Variants in CTNNBL1 observed in about 807,000 individuals in gnomAD.
CTNNBL1 encodes the protein catenin beta like 1.
In CTNNBL1, 31 loss-of-function variants were observed where a neutral mutation model predicts 72.7. The observed-to-expected ratio is 0.43, with a 90% CI of 0.32 to 0.58. The LOEUF (loss-of-function observed/expected upper bound fraction) is 0.58. CTNNBL1 is among the 20% of genes least tolerant of loss of function. The pLI is 0.08. For missense variants in CTNNBL1, 534 were observed against 725.1 expected (o/e 0.74, Z 3.03); for synonymous variants, 240 against 267.3 (o/e 0.90, Z 1.00).
chr20:37,711,645 T>G lies in CTNNBL1; in HGVS notation c.30+17493T>G, dbSNP rs6125954. Among the ~76,000 whole-genome samples, 420 of 150,806 alleles carry G rather than the reference T, an allele frequency of 2.8e-3. 3 individuals are homozygous for G. Among genetic ancestry groups the G allele is most frequent in the East Asian group, 0.017 (87 of 5,128 alleles). On this transcript the variant is annotated intron_variant, in intron 1 of 15. Coordinates refer to ENST00000361383, the MANE Select transcript of CTNNBL1 (RefSeq NM_030877.5). ...AGGAAAAAAATAGGCTGATGTAATA[T>G]AGTGTTGGGGGAGCAGTGGCTGTTT...
intron 1 of CTNNBL1, among the ~76,000 whole-genome samples, chr20:37,712,988 G>A (rs968488209): frequency 1.1e-4 from 17 of 152,278 alleles, no homozygotes; most frequent in African/African-American, 4.1e-4. Context: ...TAAGATTTTA[G>A]AGTTTCAAAG....
chr20:37,744,095 T>C (rs1177119037), intron 3 of CTNNBL1, among the ~76,000 whole-genome samples: 2 of 152,152 alleles, frequency 1.3e-5, no homozygotes, highest in Admixed American at 1.3e-4. Flanking sequence ...TATACGGTGT[T>C]TATAAATCTA....
chr20:37,788,394 G>A (rs2073696682), intron 10 of CTNNBL1, among the ~76,000 whole-genome samples: 1 of 152,192 alleles, frequency 6.6e-6, no homozygotes. Context: ...TTGGCCCACG[G>A]AATTTTTGGC....
chr20:37,717,356 G>A (rs2072995161), intron 1 of CTNNBL1, among the ~76,000 whole-genome samples: 1 of 152,210 alleles, frequency 6.6e-6, no homozygotes, highest in Non-Finnish European at 1.5e-5. Flanking sequence ...ACCATTGTGT[G>A]AGTTCGCTGG....
chr20:37,801,712 T>C (rs537979599), intron 10 of CTNNBL1, among the ~76,000 whole-genome samples: 1 of 152,306 alleles, frequency 6.6e-6, no homozygotes, highest in African/African-American at 2.4e-5. Context: ...TCTTCAACCA[T>C]TGATAAAGAG....
chr20:37,833,415 A>G (rs2072228042), intron 11 of CTNNBL1, among the ~76,000 whole-genome samples: 1 of 152,158 alleles, frequency 6.6e-6, no homozygotes, highest in African/African-American at 2.4e-5. Flanking sequence ...CTGACTGTTG[A>G]GCAGGGAGCC....
chr20:37,858,523 G>C (rs2072462565), intron 13 of CTNNBL1, among the ~76,000 whole-genome samples: 1 of 152,246 alleles, frequency 6.6e-6, no homozygotes, highest in South Asian at 2.1e-4. Flanking sequence ...AATCCCAAGG[G>C]GGGAAGGCAG....
intron 7 of CTNNBL1, among the ~76,000 whole-genome samples, chr20:37,770,361 A>C (rs2073510928): frequency 6.6e-6 from 1 of 152,204 alleles, no homozygotes; most frequent in Admixed American, 6.5e-5. Flanking sequence ...ACCGAGTTTT[A>C]AGGGGATGGC....
At chr20:37,710,928 G>A (rs539025319) in intron 1 of CTNNBL1, among the ~76,000 whole-genome samples, 5 of 151,942 alleles carry the variant, frequency 3.3e-5, no homozygotes, top group East Asian at 1.9e-4. Flanking sequence ...CTCTGCTTTC[G>A]TCTCCTCTCC....
At chr20:37,708,778 G>A (rs2072911889) in intron 1 of CTNNBL1, among the ~76,000 whole-genome samples, 1 of 152,124 alleles carries the variant, frequency 6.6e-6, no homozygotes, top group Non-Finnish European at 1.5e-5. Context: ...AGCAGATTAT[G>A]TGCACTGGCT....
rs1032673003 is a variant in CTNNBL1 at position 37,804,917 on chromosome 20, C to T, written c.1213+1869C>T. 2.6e-5 allele frequency among the ~76,000 whole-genome samples: 4 copies of T among 152,188 alleles called. No homozygotes were observed. In the South Asian group the frequency reaches 6.2e-4, roughly 24 times the overall value. On this transcript the variant is annotated intron_variant, in intron 11 of 15. Transcript: ENST00000361383. ...TAGTGAGGGCAATGGCTTGGTAAGACGTCTCCTAGAAGGCATGTTCAGGCT... is the reference window on the plus strand; with the variant it reads ...TAGTGAGGGCAATGGCTTGGTAAGATGTCTCCTAGAAGGCATGTTCAGGCT...
chr20:37,714,984 A>C (rs2072973321), intron 1 of CTNNBL1, among the ~76,000 whole-genome samples: 1 of 151,808 alleles, frequency 6.6e-6, no homozygotes, highest in Non-Finnish European at 1.5e-5. Context: ...TTTTCACCGC[A>C]CCTCACCCCC....
intron 11 of CTNNBL1, 120 bp from the exon 12 acceptor site, chr20:37,839,982 A>C: frequency 1.5e-6 from 1 of 652,532 alleles, no homozygotes; most frequent in South Asian, 1.9e-5. Context: ...CTTATTAATC[A>C]ATAGCAGCAG....
At chr20:37,713,623 G>A (rs918857578) in intron 1 of CTNNBL1, among the ~76,000 whole-genome samples, 1 of 152,174 alleles carries the variant, frequency 6.6e-6, no homozygotes, top group Non-Finnish European at 1.5e-5. Flanking sequence ...AGCTGGCCTT[G>A]AGGTATTGCC....
intron 11 of CTNNBL1, among the ~76,000 whole-genome samples, chr20:37,824,070 G>A (rs1439298134): frequency 3.3e-5 from 5 of 152,220 alleles, no homozygotes; most frequent in Non-Finnish European, 7.3e-5. Flanking sequence ...CACAAAGTCA[G>A]TTTAAATTAC....
At chr20:37,871,179 C>G (rs2072580594) in intron 15 of CTNNBL1, among the ~76,000 whole-genome samples, 4 of 152,250 alleles carry the variant, frequency 2.6e-5, no homozygotes, top group Admixed American at 2.6e-4. Flanking sequence ...CTAGGGTGGT[C>G]CCAAGAATTT....
chr20:37,846,383 T>A (rs1254902851), intron 13 of CTNNBL1, among the ~76,000 whole-genome samples: 1 of 152,024 alleles, frequency 6.6e-6, no homozygotes, highest in Non-Finnish European at 1.5e-5. Context: ...GGCTTTATCC[T>A]GGTTCTCCGA....
At chr20:37,829,014 A>G (rs2072185137) in intron 11 of CTNNBL1, among the ~76,000 whole-genome samples, 1 of 152,166 alleles carries the variant, frequency 6.6e-6, no homozygotes, top group Non-Finnish European at 1.5e-5. Flanking sequence ...ATTCCAACAC[A>G]CCACTGCTGA....
intron 6 of CTNNBL1, 76 bp downstream of exon 6, chr20:37,765,366 T>C: frequency 1.0e-6 from 1 of 965,892 alleles, no homozygotes; most frequent in Non-Finnish European, 1.6e-6. Flanking sequence ...TTCCCTTCCT[T>C]CTTCATAATA....
Sources: allele counts gnomAD v4.1 joint callset (sites outside exome capture counted in the v4.1 genomes callset), GRCh38; gene constraint gnomAD v4.1.1; transcripts MANE v1.5; gene names NCBI Gene and HGNC (gene_info 2026-07-23, HGNC 2026-07-21).